LYRM4: variants seen among roughly 807,000 people sequenced by gnomAD.
LYRM4 encodes the protein LYR motif containing 4, also known as LYR motif-containing protein 4.
LYRM4 carries 9 observed loss-of-function variants against 11.7 expected under a neutral mutation model. That is an observed-to-expected ratio of 0.77 (90% CI 0.46 to 1.34). The LOEUF (loss-of-function observed/expected upper bound fraction) is 1.34, where lower values mean the gene tolerates loss of function less well. LYRM4 is among the 40% of genes most tolerant of loss of function. The probability of loss-of-function intolerance (pLI) is 0.00; values close to 1 mark genes in which losing one functional copy is unlikely to be tolerated. For missense variants in LYRM4, 133 were observed against 112.5 expected (o/e 1.18, Z -0.82); for synonymous variants, 42 against 40.4 (o/e 1.04, Z -0.15).
chr6:5,090,870 A>T, the LYRM4 span, among the ~76,000 whole-genome samples: 1 of 151,904 alleles, frequency 6.6e-6, no homozygotes, highest in African/African-American at 2.4e-5. This position sits in a 1 kb window ranked among gnomAD's most constrained non-coding sequence, Gnocchi z 4.8. Flanking sequence ...TCATTCCCCT[A>T]CTCAGTTCTG....
chr6:5,191,507 G>A (rs913292603), intron 2 of LYRM4, among the ~76,000 whole-genome samples: 7 of 152,198 alleles, frequency 4.6e-5, no homozygotes, highest in African/African-American at 1.7e-4. Context: ...CTAAGGTCAT[G>A]AGTTTGTGAA....
rs556322096 is a variant in LYRM4 at position 5,163,338 on chromosome 6, G to A, written c.207+53280C>T. On this transcript the variant is annotated intron_variant, in intron 2 of 2. Transcript: ENST00000330636. ...CCGTGCCATGCCCACTGCACTGCAC[G>A]CCACCTTTGACATAATCAGGTGACT... is the stretch of plus-strand genomic sequence containing the variant. Among the ~76,000 whole-genome samples, 12 of 152,170 alleles carry A rather than the reference G, an allele frequency of 7.9e-5. No individual in the cohort carries two copies. The South Asian group carries it at 1.2e-3, about 16-fold the overall frequency.
At chr6:5,235,509 TA>T (rs551059771) in intron 1 of LYRM4, among the ~76,000 whole-genome samples, 73 of 152,356 alleles carry the variant, frequency 4.8e-4, no homozygotes, top group Non-Finnish European at 2.9e-5. Context: ...TTTTGGTGAC[TA>T]ATCACATGCT....
chr6:5,121,576 C>T (rs1763460206), intron 2 of LYRM4, among the ~76,000 whole-genome samples: 1 of 152,174 alleles, frequency 6.6e-6, no homozygotes, highest in South Asian at 2.1e-4. Flanking sequence ...CCAAACAGCA[C>T]ACCACGTTAC....
intron 1 of LYRM4, among the ~76,000 whole-genome samples, chr6:5,228,151 C>T (rs1336650560): frequency 2.6e-5 from 4 of 151,802 alleles, no homozygotes; most frequent in African/African-American, 4.8e-5. Flanking sequence ...CAAAACAAAA[C>T]GAAAAAACAC....
the LYRM4 span, among the ~76,000 whole-genome samples, chr6:5,075,813 C>T: frequency 6.6e-6 from 1 of 151,964 alleles, no homozygotes; most frequent in African/African-American, 2.4e-5. Flanking sequence ...TGCTGTTTTA[C>T]AAAATGGAAA....
At chr6:5,118,812 A>G (rs1478582224) in intron 2 of LYRM4, among the ~76,000 whole-genome samples, 1 of 152,228 alleles carries the variant, frequency 6.6e-6, no homozygotes, top group East Asian at 1.9e-4. Flanking sequence ...AAACTTACGA[A>G]TATCGACCCC....
intron 2 of LYRM4, among the ~76,000 whole-genome samples, chr6:5,187,840 A>AG (rs1240587878): frequency 1.3e-5 from 2 of 151,658 alleles, no homozygotes; most frequent in African/African-American, 4.9e-5. Flanking sequence ...TGGAAAAAAA[A>AG]AGAAGCTGTA....
chr6:5,136,386 G>A (rs769018115), intron 2 of LYRM4: 17 of 985,250 alleles, frequency 1.7e-5, no homozygotes, highest in Admixed American at 6.2e-5. Flanking sequence ...GGAGAAGCGG[G>A]AAGACACGAT....
the LYRM4 span, chr6:5,066,464 A>C: frequency 1.3e-6 from 1 of 760,020 alleles, no homozygotes; most frequent in South Asian, 1.4e-5. Flanking sequence ...CCAAATTCTG[A>C]AAGAGCCCTT....
chr6:5,256,484 T>G (rs1764673324), intron 1 of LYRM4, among the ~76,000 whole-genome samples: 1 of 55,398 alleles, frequency 1.8e-5, no homozygotes, highest in African/African-American at 7.9e-5. Context: ...GGGCAAGATT[T>G]CAACTGGAAA....
intron 2 of LYRM4, chr6:5,113,296 G>A (rs779608986): frequency 8.9e-6 from 4 of 448,802 alleles, no homozygotes; most frequent in Admixed American, 2.4e-5. Flanking sequence ...ATGGTGGCAC[G>A]CGCCAATAAT....
At chr6:5,108,381 T>C (rs554121716), downstream of LYRM4, 1 of 923,178 alleles carries the variant, frequency 1.1e-6, no homozygotes, top group African/African-American at 1.8e-5. Context: ...TTATTTAATA[T>C]GTTCTTTCTA....
chr6:5,255,532 C>T (rs1465092209), intron 1 of LYRM4, among the ~76,000 whole-genome samples: 1 of 152,034 alleles, frequency 6.6e-6, no homozygotes, highest in African/African-American at 2.4e-5. Flanking sequence ...ATGCGTCCCA[C>T]ATAAATGAAA....
the LYRM4 span, among the ~76,000 whole-genome samples, chr6:5,045,512 A>G: frequency 6.6e-6 from 1 of 152,238 alleles, no homozygotes; most frequent in Non-Finnish European, 1.5e-5. Context: ...CAGTTTGGGA[A>G]GATGAAAATG....
the LYRM4 span, among the ~76,000 whole-genome samples, chr6:5,090,353 C>T: frequency 1.3e-5 from 2 of 152,080 alleles, no homozygotes; most frequent in South Asian, 4.1e-4. The surrounding 1 kb of genome is among the most constrained non-coding windows in gnomAD (Gnocchi z 4.8). Flanking sequence ...TTGTATGAAA[C>T]AATATTCTCC....
intron 1 of LYRM4, among the ~76,000 whole-genome samples, chr6:5,242,276 G>T (rs1200072764): frequency 6.6e-6 from 1 of 151,688 alleles, no homozygotes; most frequent in Non-Finnish European, 1.5e-5. Flanking sequence ...GTTTCACTAT[G>T]TTAGCCAGGA....
chr6:5,220,756 T>C (rs1762533576), intron 1 of LYRM4, among the ~76,000 whole-genome samples: 1 of 152,212 alleles, frequency 6.6e-6, no homozygotes, highest in Non-Finnish European at 1.5e-5. Flanking sequence ...TGTTACTTGT[T>C]AATTTCTGGA....
intron 1 of LYRM4, among the ~76,000 whole-genome samples, chr6:5,227,968 C>CA (rs1269660388): frequency 6.6e-6 from 1 of 152,096 alleles, no homozygotes; most frequent in Non-Finnish European, 1.5e-5. Flanking sequence ...GAACATCACA[C>CA]ACCAGGACCT....
Sources: gnomAD v4.1 joint callset for allele counts (sites outside exome capture counted in the v4.1 genomes callset) on GRCh38, gnomAD v4.1.1 for gene constraint, Gnocchi (gnomAD v3.1) non-coding constraint, MANE v1.5 for transcripts, NCBI Gene and HGNC (gene_info 2026-07-23, HGNC 2026-07-21) for gene names.